The following ENPP6 variants were observed in gnomAD, a reference collection of about 807,000 sequenced individuals.
ENPP6 encodes the protein glycerophosphocholine cholinephosphodiesterase ENPP6.
ENPP6 carries 32 observed loss-of-function variants against 42.0 expected under a neutral mutation model. The observed-to-expected ratio is 0.76, with a 90% CI of 0.58 to 1.02. The LOEUF (loss-of-function observed/expected upper bound fraction) is 1.02, where lower values mean the gene tolerates loss of function less well. ENPP6 is among the 50% of genes least tolerant of loss of function. The pLI, the probability that ENPP6 is intolerant of heterozygous loss-of-function variation, is 0.00. For missense variants in ENPP6, 552 were observed against 566.8 expected (o/e 0.97, Z 0.27); for synonymous variants, 213 against 216.0 (o/e 0.99, Z 0.12).
intron 3 of ENPP6, among the ~76,000 whole-genome samples, chr4:184,122,531 G>T (rs563704748): frequency 6.6e-6 from 1 of 151,776 alleles, no homozygotes; most frequent in Admixed American, 6.6e-5. Context: ...ATTCCCCGCT[G>T]CATGCTGGTG....
Position 184,098,972 on chromosome 4 carries a change from CAT to C in ENPP6, c.994-1606_994-1605del, listed in dbSNP as rs57837285. ...ACAGGTTGGCTCACAAGACTAGTAT[CAT>C]GTGTTTAGTGAGCCAAGCAGTTCGC... On this transcript the variant is annotated intron_variant, in intron 6 of 7. Transcript: ENST00000296741. 3.4e-4 allele frequency among the ~76,000 whole-genome samples: 52 copies of C among 152,346 alleles called. 1 individual carries two copies. The East Asian group carries it at 8.3e-3, about 24-fold the overall frequency.
intron 2 of ENPP6, among the ~76,000 whole-genome samples, chr4:184,131,201 C>CTTTCTTTCTTTCTTTCT (rs376993212): frequency 9.9e-5 from 7 of 70,680 alleles, no homozygotes; most frequent in Admixed American, 6.1e-4. Context: ...TTCTTTCTTT[C>CTTTCTTTCTTTCTTTCT]TTCTTTCTTT....
chr4:184,209,364 G>T (rs1030380702), intron 1 of ENPP6, among the ~76,000 whole-genome samples: 7 of 148,716 alleles, frequency 4.7e-5, no homozygotes, highest in African/African-American at 1.7e-4. Flanking sequence ...TGTATAACTA[G>T]AATAACCAAT....
intron 2 of ENPP6, among the ~76,000 whole-genome samples, chr4:184,127,407 T>A (rs1320760753): frequency 6.6e-6 from 1 of 152,018 alleles, no homozygotes; most frequent in Non-Finnish European, 1.5e-5. Context: ...CAAAAACAGT[T>A]AAGACAAGTA....
At position 184,114,246 on chromosome 4, in the gene ENPP6, G is replaced by A. The variant is rs75497506; in HGVS notation, c.856-1437C>T. 4.3e-4 allele frequency among the ~76,000 whole-genome samples: 65 copies of A among 152,170 alleles called. No individual in the cohort carries two copies. The East Asian group carries it at 5.4e-3, about 13-fold the overall frequency. ...CTCATAAAGTGCTGGGATTACAGGC[G>A]TCAGCCATCGCGCCTGGCCCTGTAC... is the stretch of plus-strand genomic sequence containing the variant. On this transcript the variant is annotated intron_variant, in intron 5 of 7. Transcript: ENST00000296741.
At chr4:184,188,916 A>G (rs1179444967) in intron 1 of ENPP6, among the ~76,000 whole-genome samples, 1 of 152,168 alleles carries the variant, frequency 6.6e-6, no homozygotes, top group Non-Finnish European at 1.5e-5. Flanking sequence ...GAATAGATCT[A>G]GAAAGATTCC....
At chr4:184,159,044 G>C (rs114289686) in intron 1 of ENPP6, among the ~76,000 whole-genome samples, 2,518 of 152,154 alleles carry the variant, frequency 0.017, 71 homozygotes, top group African/African-American at 0.057. Flanking sequence ...CCTATCTGTC[G>C]TGATGCTTGA....
intron 1 of ENPP6, among the ~76,000 whole-genome samples, chr4:184,173,700 A>G (rs1232829759): frequency 1.3e-5 from 2 of 152,232 alleles, no homozygotes; most frequent in East Asian, 3.8e-4. Context: ...GTCCAAGTTG[A>G]AAGGGTCTTA....
At chr4:184,105,309 A>T in intron 6 of ENPP6, among the ~76,000 whole-genome samples, 1 of 152,216 alleles carries the variant, frequency 6.6e-6, no homozygotes, top group East Asian at 1.9e-4. Flanking sequence ...AAGAAAATTT[A>T]AAAGGATGAT....
At chr4:184,142,579 C>T (rs1420221144) in intron 2 of ENPP6, among the ~76,000 whole-genome samples, 2 of 152,146 alleles carry the variant, frequency 1.3e-5, no homozygotes, top group African/African-American at 2.4e-5. Flanking sequence ...GCAGGGTGGC[C>T]CTGCAGACTG....
In ENPP6 at chr4:184,217,684, A is replaced by T; in HGVS notation, c.136T>A (p.Ser46Thr). 1 of 1,614,112 alleles carries T rather than the reference A, an allele frequency of 6.2e-7. No individual in the cohort carries two copies. The highest frequency in any genetic ancestry group is 1.1e-5 in the South Asian group (1 of 91,074). Residue 46 changes from serine to threonine, a missense_variant, in exon 1 of 8, where the codon TCA becomes ACA. Around this residue, in one of 2 missense-constraint regions of ENPP6, gnomAD observed 545 missense variants for 546.3 expected, o/e 1.00. Coordinates refer to ENST00000296741, the MANE Select transcript of ENPP6 (RefSeq NM_153343.4). The stretch of plus-strand genomic sequence containing the variant: ...ACAATCTCTTTGAAACCAGGCAATG[A>T]CTCCAGCGCCTCATCACTGATGTAG... ...SDYISDEALE[S>T]LPGFKEIVSR...
intron 1 of ENPP6, among the ~76,000 whole-genome samples, chr4:184,183,984 T>G (rs1402459275): frequency 2.6e-5 from 4 of 152,222 alleles, no homozygotes; most frequent in Non-Finnish European, 5.9e-5. Flanking sequence ...AGCAGGATGT[T>G]GGTGCTCAGG....
chr4:184,127,391 G>T (rs1046742290), intron 2 of ENPP6, among the ~76,000 whole-genome samples: 5 of 152,102 alleles, frequency 3.3e-5, no homozygotes, highest in African/African-American at 1.2e-4. Flanking sequence ...AGGAGAAACA[G>T]AGGAACAAAA....
At chr4:184,211,328 G>C (rs1733105057) in intron 1 of ENPP6, among the ~76,000 whole-genome samples, 1 of 152,038 alleles carries the variant, frequency 6.6e-6, no homozygotes, top group Non-Finnish European at 1.5e-5. Context: ...CAACAAAATT[G>C]ATAGACCACT....
intron 1 of ENPP6, among the ~76,000 whole-genome samples, chr4:184,153,935 A>G (rs925190395): frequency 1.2e-4 from 19 of 152,028 alleles, no homozygotes; most frequent in Non-Finnish European, 2.4e-4. Flanking sequence ...GATGTCCACT[A>G]ATTGATGGAG....
At chr4:184,175,918 GA>G (rs1447366986) in intron 1 of ENPP6, among the ~76,000 whole-genome samples, 4 of 152,094 alleles carry the variant, frequency 2.6e-5, no homozygotes, top group Non-Finnish European at 5.9e-5. Flanking sequence ...TTGGAGGAGA[GA>G]AAAGGTGTTG....
At chr4:184,131,822 CACAT>C (rs1736640897) in intron 2 of ENPP6, among the ~76,000 whole-genome samples, 2 of 141,002 alleles carry the variant, frequency 1.4e-5, no homozygotes, top group African/African-American at 6.2e-5. Flanking sequence ...CACACACACA[CACAT>C]ATATATATAT....
chr4:184,163,840 T>C (rs908757838), intron 1 of ENPP6, among the ~76,000 whole-genome samples: 2 of 152,238 alleles, frequency 1.3e-5, no homozygotes, highest in African/African-American at 4.8e-5. Flanking sequence ...GGGGTTACAT[T>C]TGAGGCACAT....
At chr4:184,112,499 C>G in intron 6 of ENPP6, 173 bp downstream of exon 6, 1 of 823,658 alleles carries the variant, frequency 1.2e-6, no homozygotes, top group Non-Finnish European at 1.8e-6. Flanking sequence ...ACAGTTGTGT[C>G]TACAAAGTTA....
Sources: gnomAD v4.1 joint callset for allele counts (sites outside exome capture counted in the v4.1 genomes callset) on GRCh38, gnomAD v4.1.1 for gene constraint, gnomAD v4.1.1 regional missense constraint, MANE v1.5 for transcripts, NCBI Gene and HGNC (gene_info 2026-07-23, HGNC 2026-07-21) for gene names.